Variants in FBLN1 observed in about 807,000 individuals in gnomAD.
FBLN1 encodes the protein fibulin-1.
In FBLN1, 34 loss-of-function variants were observed where a neutral mutation model predicts 89.7. That is an observed-to-expected ratio of 0.38 (90% confidence interval 0.29 to 0.50). FBLN1 has a LOEUF of 0.50. FBLN1 is among the 20% of genes least tolerant of loss of function. The probability of loss-of-function intolerance (pLI) is 0.92; values close to 1 mark genes in which losing one functional copy is unlikely to be tolerated. For missense variants in FBLN1, 777 were observed against 988.1 expected, an observed-to-expected ratio of 0.79 and a Z score of 2.86; for synonymous variants, 393 against 391.3, an observed-to-expected ratio of 1.00 and a Z score of -0.05.
At chr22:45,596,165 G>A (rs901484185) in intron 16 of FBLN1, among the ~76,000 whole-genome samples, 48 of 152,316 alleles carry the variant, frequency 3.2e-4, no homozygotes, top group Admixed American at 8.5e-4. Context: ...CACTACGCCC[G>A]GCCAAAGGTT....
chr22:45,568,428 G>GCCGCTTCTGTAGGGGAA (rs1386455026), intron 14 of FBLN1, among the ~76,000 whole-genome samples: 1 of 80,468 alleles, frequency 1.2e-5, no homozygotes, highest in Non-Finnish European at 2.6e-5. Context: ...CTGTAGGGGA[G>GCCGCTTCTGTAGGGGAA]TGCTCCTTCT....
intron 14 of FBLN1, among the ~76,000 whole-genome samples, chr22:45,559,480 C>T (rs1339513397): frequency 6.6e-6 from 1 of 152,134 alleles, no homozygotes; most frequent in Non-Finnish European, 1.5e-5. Flanking sequence ...TCCATTTGGC[C>T]TTTCCAACCA....
chr22:45,506,635 CA>C (rs1172070365), intron 1 of FBLN1, among the ~76,000 whole-genome samples: 1 of 152,148 alleles, frequency 6.6e-6, no homozygotes, highest in Non-Finnish European at 1.5e-5. Flanking sequence ...GTGTTCCTGG[CA>C]GGGGAAATGG....
Position 45,535,294 on chromosome 22 carries a change from G to A in FBLN1, c.879G>A (p.Gln293=), listed in dbSNP as rs944584555. The A allele has an allele frequency of 1.7e-5, 28 of 1,613,988 alleles. No individual in the cohort carries two copies. The highest frequency in any genetic ancestry group is 4.0e-5 in the African/African-American group (3 of 74,932). ...LGSFRCRPKL[Q]CKSGFIQDAL... is the part of the protein sequence containing the mutation. The stretch of plus-strand genomic sequence containing the variant: ...CCTTCCGCTGCCGACCCAAGCTACA[G>A]TGCAAGAGTGGCTTTATACAAGATG... Residue 293 remains glutamine, a synonymous_variant, in exon 8 of 17, where the codon CAG becomes CAA. Transcript: ENST00000327858.
At position 45,531,955 on chromosome 22, in the gene FBLN1, T is replaced by C. The variant is rs1366178126; in HGVS notation, c.544+631T>C. On this transcript the variant is annotated intron_variant, in intron 5 of 16. Transcript: ENST00000327858. The surrounding 1 kb of genome is among the most constrained non-coding windows in gnomAD (Gnocchi z 4.9). ...CACGGTTCTGTCACCATTGGTGATA[T>C]TCATTTGCCTCACAGGGAGATGTCT... 6.6e-6 allele frequency among the ~76,000 whole-genome samples: 1 copy of C among 152,226 alleles called. No individual in the cohort carries two copies. Among genetic ancestry groups the C allele is most frequent in the African/African-American group, 2.4e-5 (1 of 41,462 alleles).
rs1183999325 is a variant in FBLN1, at chr22:45,575,746, C to T, written c.1840+1093C>T. ...TCTGGAGCAGGGCCTGGGCTGCGTG[C>T]TCCCAAGCCTGGCAGAGGGCTATGG... On this transcript the variant is annotated intron_variant, in intron 15 of 16. Transcript: ENST00000327858. This position sits in a 1 kb window ranked among gnomAD's most constrained non-coding sequence, Gnocchi z 6.3. Among the ~76,000 whole-genome samples, 1 of 152,170 alleles carries T rather than the reference C, an allele frequency of 6.6e-6. No individual in the cohort carries two copies. Among genetic ancestry groups the T allele is most frequent in the African/African-American group, 2.4e-5 (1 of 41,440 alleles).
rs148145990 is a variant in FBLN1 at position 45,597,894 on chromosome 22, G to T, written c.1973-2413G>T. Among the ~76,000 whole-genome samples the T allele has an allele frequency of 6.6e-6, 1 of 152,118 alleles. No individual in the cohort carries two copies. Among genetic ancestry groups the T allele is most frequent in the Non-Finnish European group, 1.5e-5 (1 of 68,020 alleles). On this transcript the variant is annotated intron_variant, in intron 16 of 16. Coordinates refer to ENST00000327858, the MANE Select transcript of FBLN1 (RefSeq NM_006486.3). The surrounding 1 kb of genome is among the most constrained non-coding windows in gnomAD (Gnocchi z 4.2). ...GAAACATAAGCCCAGAGAGCGAAAG[G>T]GGGGAACGTTGTGCCCAGATTCTCT...
chr22:45,581,197 G>A lies in FBLN1; in HGVS notation c.1972+4089G>A, dbSNP rs530723990. Reference sequence around the variant, plus strand: ...GTATCATCAGCGTGCGGAAGAGAGAGACAGAAAGGCAACTCGAGGCCACCC... The same window carrying A: ...GTATCATCAGCGTGCGGAAGAGAGAAACAGAAAGGCAACTCGAGGCCACCC... On this transcript the variant is annotated intron_variant, in intron 16 of 16. Coordinates refer to ENST00000327858, the MANE Select transcript of FBLN1 (RefSeq NM_006486.3). This position sits in a 1 kb window ranked among gnomAD's most constrained non-coding sequence, Gnocchi z 7.6. Among the ~76,000 whole-genome samples the A allele has an allele frequency of 3.3e-5, 5 of 152,264 alleles. No individual in the cohort carries two copies. The East Asian group carries it at 9.7e-4, about 30-fold the overall frequency.
chr22:45,579,205 G>C lies in FBLN1; in HGVS notation c.1972+2097G>C, dbSNP rs2089023167. On this transcript the variant is annotated intron_variant, in intron 16 of 16. Coordinates refer to ENST00000327858, the MANE Select transcript of FBLN1 (RefSeq NM_006486.3). The surrounding 1 kb of genome is among the most constrained non-coding windows in gnomAD (Gnocchi z 5.5). ...CCAACCTGGGAGTGTCTGTTTCTCA[G>C]CTTCCCATCCACTGGGGCAGAAAAT... Among the ~76,000 whole-genome samples, 1 of 152,228 alleles carries C rather than the reference G, an allele frequency of 6.6e-6. No homozygotes were observed.
intron 14 of FBLN1, among the ~76,000 whole-genome samples, chr22:45,568,477 G>C (rs1306355243): frequency 2.4e-5 from 3 of 125,220 alleles, no homozygotes; most frequent in Admixed American, 8.0e-5. Context: ...TGCTCCTTCT[G>C]TAGGGGAATG....
intron 4 of FBLN1, 73 bp downstream of exon 4, chr22:45,528,082 GGAGA>G (rs757321963): frequency 6.5e-7 from 1 of 1,537,288 alleles, no homozygotes; most frequent in East Asian, 2.3e-5. Context: ...GAGCGAGAGT[GGAGA>G]GAGAGAGATT....
chr22:45,579,517 G>A lies in FBLN1; in HGVS notation c.1972+2409G>A, dbSNP rs948569377. On this transcript the variant is annotated intron_variant, in intron 16 of 16. Coordinates refer to ENST00000327858, the MANE Select transcript of FBLN1 (RefSeq NM_006486.3). This position sits in a 1 kb window ranked among gnomAD's most constrained non-coding sequence, Gnocchi z 5.5. ...GTCTTTGGAATTCTGGGCTGGGGCT[G>A]CGTGGGGGAGGGCCCCAGCCTGGCC... Among the ~76,000 whole-genome samples, 1 of 152,240 alleles carries A rather than the reference G, an allele frequency of 6.6e-6. No individual in the cohort carries two copies. Among genetic ancestry groups the A allele is most frequent in the Non-Finnish European group, 1.5e-5 (1 of 68,042 alleles).
chr22:45,546,435 C>T (rs757035261), intron 11 of FBLN1, among the ~76,000 whole-genome samples: 9 of 152,184 alleles, frequency 5.9e-5, no homozygotes, highest in East Asian at 1.9e-4. Flanking sequence ...AGGCTGGTCT[C>T]GAACCCCTGA....
At position 45,532,383 on chromosome 22, in the gene FBLN1, T is replaced by C. The variant is rs1826233560; in HGVS notation, c.545-680T>C. Among the ~76,000 whole-genome samples the C allele has an allele frequency of 6.6e-6, 1 of 151,954 alleles. No homozygotes were observed. Among genetic ancestry groups the C allele is most frequent in the African/African-American group, 2.4e-5 (1 of 41,350 alleles). On this transcript the variant is annotated intron_variant, in intron 5 of 16. Transcript: ENST00000327858. This position sits in a 1 kb window ranked among gnomAD's most constrained non-coding sequence, Gnocchi z 4.2. ...GCACGGACCCACTGTAGCAGGGTAC[T>C]GGGAGGCAGTGGGCTGGGGAAGGAG...
intron 16 of FBLN1, among the ~76,000 whole-genome samples, chr22:45,584,443 T>C (rs1232014651): frequency 6.6e-6 from 1 of 152,186 alleles, no homozygotes; most frequent in Non-Finnish European, 1.5e-5. Context: ...ATGGCGTGAG[T>C]GGCCCCTTTT....
chr22:45,528,254 T>C (rs1211620033), intron 4 of FBLN1, among the ~76,000 whole-genome samples: 1 of 152,180 alleles, frequency 6.6e-6, no homozygotes, highest in Non-Finnish European at 1.5e-5. Context: ...CAGTCTTTTT[T>C]CTCTGAAGGC....
chr22:45,538,931 C>T (rs914483107), intron 8 of FBLN1, among the ~76,000 whole-genome samples: 7 of 152,104 alleles, frequency 4.6e-5, no homozygotes, highest in Admixed American at 2.6e-4. Context: ...AGGTCTCTGC[C>T]CCTATCATGC....
rs1383690201 is a variant in FBLN1, at chr22:45,531,869, G to A, written c.544+545G>A. 6.6e-6 allele frequency among the ~76,000 whole-genome samples: 1 copy of A among 152,258 alleles called. No individual in the cohort carries two copies. Among genetic ancestry groups the A allele is most frequent in the East Asian group, 1.9e-4 (1 of 5,202 alleles). On this transcript the variant is annotated intron_variant, in intron 5 of 16. Transcript: ENST00000327858. This position sits in a 1 kb window ranked among gnomAD's most constrained non-coding sequence, Gnocchi z 4.9. ...GTGAAGGTGACAGAGGCCTCCCTCA[G>A]GCTCTCAGGGGAGAGGAGGGGGCTC...
rs955477115 is a variant in FBLN1, at chr22:45,580,406, C to T, written c.1972+3298C>T. Among the ~76,000 whole-genome samples the T allele has an allele frequency of 6.6e-6, 1 of 152,126 alleles. No individual in the cohort carries two copies. Among genetic ancestry groups the T allele is most frequent in the Non-Finnish European group, 1.5e-5 (1 of 68,024 alleles). On this transcript the variant is annotated intron_variant, in intron 16 of 16. Coordinates refer to ENST00000327858, the MANE Select transcript of FBLN1 (RefSeq NM_006486.3). The surrounding 1 kb of genome is among the most constrained non-coding windows in gnomAD (Gnocchi z 8.6). ...CATGCCCTGTGTGGACACTGGGCAC[C>T]GGATCAGGAGGGCTTCCTGGAGGAG...
Sources: gnomAD v4.1 joint callset for allele counts (sites outside exome capture counted in the v4.1 genomes callset) on GRCh38, gnomAD v4.1.1 for gene constraint, Gnocchi (gnomAD v3.1) non-coding constraint, MANE v1.5 for transcripts, NCBI Gene and HGNC (gene_info 2026-07-23, HGNC 2026-07-21) for gene names.